Variants in CHN1 observed in about 807,000 individuals in gnomAD.
The protein encoded by CHN1 is N-chimaerin.
CHN1 carries 37 observed loss-of-function variants against 59.5 expected under a neutral mutation model. The observed-to-expected ratio is 0.62, with a 90% CI of 0.48 to 0.82. The LOEUF (loss-of-function observed/expected upper bound fraction) is 0.82, where lower values mean the gene tolerates loss of function less well. CHN1 is among the 40% of genes least tolerant of loss of function. The pLI, the probability that CHN1 is intolerant of heterozygous loss-of-function variation, is 0.00. For missense variants in CHN1, 469 were observed against 571.0 expected (o/e 0.82, Z 1.82); for synonymous variants, 206 against 200.4 (o/e 1.03, Z -0.24).
intron 1 of CHN1, among the ~76,000 whole-genome samples, chr2:174,986,875 TAC>T (rs1330899579): frequency 6.6e-6 from 1 of 151,770 alleles, no homozygotes; most frequent in East Asian, 1.9e-4. Context: ...TAGCTGGGAC[TAC>T]AGGCGCCCAC....
At chr2:174,839,176 A>G (rs1237216834) in intron 7 of CHN1, among the ~76,000 whole-genome samples, 1 of 152,194 alleles carries the variant, frequency 6.6e-6, no homozygotes, top group African/African-American at 2.4e-5. Flanking sequence ...TATTTTTTGT[A>G]GTGAGAACAC....
intron 6 of CHN1, among the ~76,000 whole-genome samples, chr2:174,871,150 A>T (rs575827513): frequency 1.2e-4 from 17 of 147,652 alleles, no homozygotes; most frequent in African/African-American, 3.9e-4. Context: ...CCAACACAAA[A>T]TTGATGGCCA....
Position 174,937,433 on chromosome 2 carries a change from G to A in CHN1, c.114+7455C>T, listed in dbSNP as rs77986218. ...TATCATTGTAAGTAAGCATAATTCCGAAAGACAAAGTCACTGGATCCATTT... is the reference window on the plus strand; with the variant it reads ...TATCATTGTAAGTAAGCATAATTCCAAAAGACAAAGTCACTGGATCCATTT... On this transcript the variant is annotated intron_variant, in intron 3 of 12. Coordinates refer to ENST00000409900, the MANE Select transcript of CHN1 (RefSeq NM_001822.7). 2.6e-3 allele frequency among the ~76,000 whole-genome samples: 391 copies of A among 152,234 alleles called. 4 individuals are homozygous for A. Among genetic ancestry groups the A allele is most frequent in the East Asian group, 0.013 (70 of 5,186 alleles).
chr2:174,906,941 G>A (rs572104662), intron 5 of CHN1, among the ~76,000 whole-genome samples: 29 of 152,266 alleles, frequency 1.9e-4, no homozygotes, highest in Non-Finnish European at 3.8e-4. Context: ...ATGTTTATCT[G>A]AATTTACCAA....
At chr2:174,857,237 G>A (rs1438346753) in intron 6 of CHN1, among the ~76,000 whole-genome samples, 1 of 152,064 alleles carries the variant, frequency 6.6e-6, no homozygotes, top group African/African-American at 2.4e-5. Flanking sequence ...CCTTGCTGAT[G>A]GACTAGAATA....
At chr2:174,816,714 G>A (rs1407601120) in intron 8 of CHN1, among the ~76,000 whole-genome samples, 4 of 152,086 alleles carry the variant, frequency 2.6e-5, no homozygotes, top group Non-Finnish European at 5.9e-5. Flanking sequence ...GATAGTTGAT[G>A]TATATGTTTT....
rs370778916 is a variant in CHN1, at chr2:174,926,374, TTTTAAATTTTGTA to T, written c.115-7822_115-7810del. 1.6e-3 allele frequency among the ~76,000 whole-genome samples: 239 copies of T among 152,186 alleles called. 2 individuals are homozygous for T. Among genetic ancestry groups the T allele is most frequent in the Middle Eastern group, 6.8e-3 (2 of 294 alleles). On this transcript the variant is annotated intron_variant, in intron 3 of 12. Coordinates refer to ENST00000409900, the MANE Select transcript of CHN1 (RefSeq NM_001822.7). ...ATGCCACCACATCAAGCTGATGATT[TTTTAAATTTTGTA>T]GAGATGGGTGTGAAAGAAAAATAAA... is the stretch of plus-strand genomic sequence containing the variant.
Position 174,818,374 on chromosome 2 carries a change from GT to G in CHN1, c.713-5893del, listed in dbSNP as rs150760671. Among the ~76,000 whole-genome samples, 104 of 152,288 alleles carry G rather than the reference GT, an allele frequency of 6.8e-4. 1 individual carries two copies. In the East Asian group the frequency reaches 0.019, roughly 28 times the overall value. ...TGATTTTTATACACTTACATTCACAGTGCAATTCACTAGCCCTGAGCTTGCT... is the reference window on the plus strand; with the variant it reads ...TGATTTTTATACACTTACATTCACAGGCAATTCACTAGCCCTGAGCTTGCT... On this transcript the variant is annotated intron_variant, in intron 8 of 12. Transcript: ENST00000409900.
intron 1 of CHN1, among the ~76,000 whole-genome samples, chr2:175,000,030 T>G (rs1040148008): frequency 6.6e-6 from 1 of 152,164 alleles, no homozygotes; most frequent in South Asian, 2.1e-4. Flanking sequence ...TTATAACAAC[T>G]ATAATTATTT....
intron 5 of CHN1, among the ~76,000 whole-genome samples, chr2:174,908,714 T>C (rs973617004): frequency 1.3e-5 from 2 of 152,228 alleles, no homozygotes; most frequent in Admixed American, 6.5e-5. Context: ...TGGCACGATA[T>C]AGAAGCTCAA....
At chr2:174,891,140 CAAAAAAAAAAAAAA>C (rs58016502) in intron 5 of CHN1, among the ~76,000 whole-genome samples, 269 of 24,434 alleles carry the variant, frequency 0.011, 3 homozygotes, top group African/African-American at 0.027. Flanking sequence ...GACTCCATCT[CAAAAAAAAAAAAAA>C]AAAAAAAAAA....
chr2:174,812,445 C>T lies in CHN1; in HGVS notation c.750G>A (p.Met250Ile). Residue 250 changes from methionine (M) to isoleucine (I), a missense_variant, in exon 9 of 13, where the codon ATG becomes ATA. Physicochemically the swap from Met to Ile is conservative, Grantham distance 10. Coordinates refer to ENST00000409900, the MANE Select transcript of CHN1 (RefSeq NM_001822.7). The stretch of plus-strand genomic sequence containing the variant: ...AGTCTGGCTTACAGTCATTTGGGAC[C>T]ATCTTGGAACACTGCTTATGAACAT... ...GLNVHKQCSK[M>I]VPNDCKPDLK... 1 of 1,613,902 alleles carries T rather than the reference C, an allele frequency of 6.2e-7. No homozygotes were observed.
chr2:174,892,410 AAC>A (rs1280130945), intron 5 of CHN1, among the ~76,000 whole-genome samples: 1 of 152,202 alleles, frequency 6.6e-6, no homozygotes, highest in African/African-American at 2.4e-5. Flanking sequence ...ACAATGTGAG[AAC>A]ACAGTGTTCA....
At chr2:174,821,859 C>T in intron 8 of CHN1, 1 of 330,352 alleles carries the variant, frequency 3.0e-6, no homozygotes, top group Non-Finnish European at 6.1e-6. Flanking sequence ...CTCCCCATCT[C>T]AATATCCTTA....
chr2:174,892,513 G>A (rs911507244), intron 5 of CHN1, among the ~76,000 whole-genome samples: 12 of 152,154 alleles, frequency 7.9e-5, no homozygotes, highest in Non-Finnish European at 1.8e-4. Context: ...CCAGTAGTAT[G>A]AGAAATAAAC....
intron 3 of CHN1, among the ~76,000 whole-genome samples, chr2:174,940,035 A>G (rs1374988747): frequency 6.6e-6 from 1 of 151,838 alleles, no homozygotes. Flanking sequence ...TATTTTATTT[A>G]TTTATTTATT....
intron 8 of CHN1, among the ~76,000 whole-genome samples, chr2:174,820,695 C>A (rs1021051298): frequency 6.6e-6 from 1 of 152,184 alleles, no homozygotes; most frequent in Non-Finnish European, 1.5e-5. Context: ...TTGTCCTCAT[C>A]GCTGCGGTGT....
intron 3 of CHN1, among the ~76,000 whole-genome samples, chr2:174,934,079 A>C (rs1193624): frequency 0.48 from 72,372 of 151,984 alleles, 17,980 homozygotes; most frequent in African/African-American, 0.6. Context: ...TTCTACAGAC[A>C]GGGGTCAGAG....
chr2:174,876,966 A>C (rs1465799333), intron 6 of CHN1, among the ~76,000 whole-genome samples: 2 of 152,232 alleles, frequency 1.3e-5, no homozygotes, highest in African/African-American at 2.4e-5. Context: ...ATCCGAGCTC[A>C]AGACCTATTG....
Sources: gnomAD v4.1 joint callset for allele counts (sites outside exome capture counted in the v4.1 genomes callset) on GRCh38, gnomAD v4.1.1 for gene constraint, MANE v1.5 for transcripts, NCBI Gene and HGNC (gene_info 2026-07-23, HGNC 2026-07-21) for gene names.